Variants in CDK14 observed in about 807,000 individuals in gnomAD.
The protein encoded by CDK14 is cyclin-dependent kinase 14.
CDK14 carries 34 observed loss-of-function variants against 60.7 expected under a neutral mutation model. The observed-to-expected ratio is 0.56, with a 90% CI of 0.43 to 0.75. The LOEUF (loss-of-function observed/expected upper bound fraction) is 0.75. Ranked by LOEUF, CDK14 falls within the 30% of genes least tolerant of loss-of-function variation. CDK14 has a pLI of 0.00. For synonymous variants in CDK14, 197 were observed against 203.7 expected, an observed-to-expected ratio of 0.97 and a Z score of 0.28; for missense variants, 482 against 564.1, an observed-to-expected ratio of 0.85 and a Z score of 1.47.
At chr7:90,727,712 T>C (rs1469954438) in intron 3 of CDK14, among the ~76,000 whole-genome samples, 1 of 152,132 alleles carries the variant, frequency 6.6e-6, no homozygotes, top group Non-Finnish European at 1.5e-5. Context: ...ATGACAAAAC[T>C]GTAAAATGCC....
intron 14 of CDK14, among the ~76,000 whole-genome samples, chr7:91,195,914 T>A (rs1338652577): frequency 6.6e-6 from 1 of 152,202 alleles, no homozygotes; most frequent in Non-Finnish European, 1.5e-5. Flanking sequence ...TGTGTCTCTG[T>A]CTGCATCTGT....
chr7:90,664,815 G>C (rs1017128319), intron 2 of CDK14, among the ~76,000 whole-genome samples: 1 of 151,870 alleles, frequency 6.6e-6, no homozygotes, highest in African/African-American at 2.4e-5. Context: ...GGGAGGGATA[G>C]CATTAGGAGA....
chr7:90,647,868 A>G, intron 2 of CDK14, among the ~76,000 whole-genome samples: 1 of 152,162 alleles, frequency 6.6e-6, no homozygotes, highest in Non-Finnish European at 1.5e-5. Flanking sequence ...AAAAATAGAT[A>G]AGAAATAAAT....
At chr7:90,624,214 A>T (rs1799830573) in intron 2 of CDK14, among the ~76,000 whole-genome samples, 1 of 151,940 alleles carries the variant, frequency 6.6e-6, no homozygotes, top group African/African-American at 2.4e-5. Flanking sequence ...CTGCCCTCTC[A>T]CCCTCACCCC....
intron 5 of CDK14, among the ~76,000 whole-genome samples, chr7:90,829,437 G>A (rs1236943311): frequency 3.3e-5 from 5 of 152,186 alleles, no homozygotes; most frequent in Non-Finnish European, 7.3e-5. Context: ...TGGGGGTACA[G>A]GCATTGGGTA....
chr7:91,049,131 C>T (rs1797319437), intron 11 of CDK14, among the ~76,000 whole-genome samples: 1 of 152,168 alleles, frequency 6.6e-6, no homozygotes, highest in Non-Finnish European at 1.5e-5. Flanking sequence ...GTCCTCCCAC[C>T]TCCGCCTCCC....
intron 3 of CDK14, among the ~76,000 whole-genome samples, chr7:90,745,774 GC>G (rs1803566716): frequency 6.6e-6 from 1 of 152,094 alleles, no homozygotes; most frequent in Admixed American, 6.5e-5. Flanking sequence ...TAGCTTATCT[GC>G]CCACTGAATT....
At chr7:91,134,767 C>T (rs540569115) in intron 14 of CDK14, among the ~76,000 whole-genome samples, 50 of 151,928 alleles carry the variant, frequency 3.3e-4, no homozygotes, top group African/African-American at 3.4e-4. Flanking sequence ...CCCAGTGACT[C>T]GGGAGGCTGA....
intron 14 of CDK14, among the ~76,000 whole-genome samples, chr7:91,161,597 C>T (rs1801170140): frequency 6.6e-6 from 1 of 152,158 alleles, no homozygotes; most frequent in Non-Finnish European, 1.5e-5. Flanking sequence ...CATGCTTTTA[C>T]AGTGAAGTCA....
intron 9 of CDK14, among the ~76,000 whole-genome samples, chr7:90,962,377 T>C (rs1332082715): frequency 6.6e-6 from 1 of 152,080 alleles, no homozygotes; most frequent in Non-Finnish European, 1.5e-5. Context: ...CCCCAGCTAC[T>C]TGGGAGACTG....
At chr7:90,735,602 T>C (rs935875240) in intron 3 of CDK14, among the ~76,000 whole-genome samples, 11 of 152,176 alleles carry the variant, frequency 7.2e-5, no homozygotes, top group African/African-American at 2.7e-4. Context: ...ATTTCAACCT[T>C]CCCGATGGCT....
intron 5 of CDK14, among the ~76,000 whole-genome samples, chr7:90,799,155 G>A (rs1404803667): frequency 2.0e-5 from 3 of 152,118 alleles, no homozygotes; most frequent in Non-Finnish European, 4.4e-5. Context: ...GTTTTCTTAG[G>A]TGAGAATTAT....
At chr7:90,604,172 T>C (rs2116319552) in intron 1 of CDK14, 46 bp from the exon 2 acceptor site, 4 of 1,335,502 alleles carry the variant, frequency 3.0e-6, no homozygotes, top group Admixed American at 2.4e-5. Context: ...TTAGTCTCTT[T>C]GGAATTTTTC....
intron 2 of CDK14, among the ~76,000 whole-genome samples, chr7:90,675,409 T>TC (rs1801180167): frequency 6.6e-6 from 1 of 151,824 alleles, no homozygotes; most frequent in Non-Finnish European, 1.5e-5. Flanking sequence ...GATTTTTTTT[T>TC]CCTAAATGAA....
At chr7:91,143,896 T>C (rs921005681) in intron 14 of CDK14, among the ~76,000 whole-genome samples, 1 of 152,188 alleles carries the variant, frequency 6.6e-6, no homozygotes, top group African/African-American at 2.4e-5. Flanking sequence ...CTTCATGTCC[T>C]CAATGTCTTA....
chr7:91,147,160 T>TCACA (rs1342197532), intron 14 of CDK14, among the ~76,000 whole-genome samples: 17 of 107,744 alleles, frequency 1.6e-4, no homozygotes, highest in South Asian at 3.3e-4. Context: ...TCTCTCTCTC[T>TCACA]CTCACACACA....
intron 9 of CDK14, among the ~76,000 whole-genome samples, chr7:90,966,956 T>C (rs1438273040): frequency 1.3e-5 from 2 of 151,944 alleles, no homozygotes; most frequent in Non-Finnish European, 2.9e-5. Context: ...CTTTTATCCT[T>C]GTTTAAAATT....
At chr7:90,959,685 A>G (rs1794540656) in intron 9 of CDK14, among the ~76,000 whole-genome samples, 1 of 152,260 alleles carries the variant, frequency 6.6e-6, no homozygotes, top group East Asian at 1.9e-4. Context: ...ACAGGAAATA[A>G]AAAAATGAAT....
At chr7:90,706,581 G>T (rs1261546068) in intron 2 of CDK14, among the ~76,000 whole-genome samples, 1 of 152,122 alleles carries the variant, frequency 6.6e-6, no homozygotes, top group Non-Finnish European at 1.5e-5. Flanking sequence ...AATGTGATAG[G>T]GGAGGGAGGA....
Sources: allele counts gnomAD v4.1 joint callset (sites outside exome capture counted in the v4.1 genomes callset), GRCh38; gene constraint gnomAD v4.1.1; transcripts MANE v1.5; gene names NCBI Gene and HGNC (gene_info 2026-07-23, HGNC 2026-07-21).